The following EXOC4 variants were observed in gnomAD, a reference collection of about 807,000 sequenced individuals.
EXOC4 encodes SEC8-like 1.
In EXOC4, 71 loss-of-function variants were observed where a neutral mutation model predicts 107.2. The ratio of observed to expected loss-of-function variants is 0.66; its 90% confidence interval spans 0.55 to 0.81. The LOEUF (loss-of-function observed/expected upper bound fraction) is 0.81. EXOC4 is among the 30% of genes least tolerant of loss of function. The probability of loss-of-function intolerance (pLI) is 0.00; values close to 1 mark genes in which losing one functional copy is unlikely to be tolerated. For synonymous variants in EXOC4, 456 were observed against 441.2 expected (o/e 1.03, Z -0.42); for missense variants, 1,108 against 1,189.6 (o/e 0.93, Z 1.01).
intron 11 of EXOC4, among the ~76,000 whole-genome samples, chr7:133,853,345 AACACACACACACAC>A (rs59000979): frequency 0.02 from 2,253 of 115,530 alleles, 79 homozygotes; most frequent in African/African-American, 0.063. Context: ...CTCTCTCTTT[AACACACACACACAC>A]ACACACACAC....
chr7:133,273,535 C>T (rs1584767613), intron 1 of EXOC4, among the ~76,000 whole-genome samples: 1 of 152,158 alleles, frequency 6.6e-6, no homozygotes, highest in Non-Finnish European at 1.5e-5. Context: ...CTGCCATCCC[C>T]CTACCCGTAT....
the EXOC4 span, among the ~76,000 whole-genome samples, chr7:134,099,578 G>A: frequency 7.4e-6 from 1 of 135,912 alleles, no homozygotes; most frequent in Non-Finnish European, 1.5e-5. Context: ...CACCCAGGCT[G>A]GAGTGCAGTG....
intron 11 of EXOC4, among the ~76,000 whole-genome samples, chr7:133,848,308 A>G (rs1263547839): frequency 6.6e-6 from 1 of 152,192 alleles, no homozygotes; most frequent in Non-Finnish European, 1.5e-5. Context: ...TTTTTATATC[A>G]ACTCCGGCAG....
chr7:133,464,252 A>G (rs371269233), intron 7 of EXOC4, among the ~76,000 whole-genome samples: 194 of 152,294 alleles, frequency 1.3e-3, no homozygotes, highest in African/African-American at 4.5e-3. Context: ...TGCTTCTATG[A>G]AGTAGTTCTA....
chr7:133,480,481 T>C, intron 9 of EXOC4: 1 of 1,096,546 alleles, frequency 9.1e-7, no homozygotes, highest in Non-Finnish European at 1.1e-6. Context: ...TTGTTGTTTT[T>C]GACACCTTCT....
intron 9 of EXOC4, among the ~76,000 whole-genome samples, chr7:133,481,992 A>G (rs978044073): frequency 1.3e-5 from 2 of 152,176 alleles, no homozygotes; most frequent in Admixed American, 6.5e-5. Context: ...CAGGCTATCT[A>G]AGGCTAGTGT....
Position 133,999,925 on chromosome 7 carries a change from A to G in EXOC4, c.2348+2292A>G, listed in dbSNP as rs1278579284. Reference sequence around the variant, plus strand: ...GTCATTAATTTACAAGAAACTATACAGTGCTATAGCACTGGTTGCCATATC... The same window carrying G: ...GTCATTAATTTACAAGAAACTATACGGTGCTATAGCACTGGTTGCCATATC... On this transcript the variant is annotated intron_variant, in intron 15 of 17. Coordinates refer to ENST00000253861, the MANE Select transcript of EXOC4 (RefSeq NM_021807.4). Among the ~76,000 whole-genome samples, 6 of 152,218 alleles carry G rather than the reference A, an allele frequency of 3.9e-5. No homozygotes were observed. In the East Asian group the frequency reaches 1.2e-3, roughly 29 times the overall value.
At chr7:133,591,242 T>A (rs1440838791) in intron 9 of EXOC4, among the ~76,000 whole-genome samples, 1 of 152,184 alleles carries the variant, frequency 6.6e-6, no homozygotes, top group Non-Finnish European at 1.5e-5. Context: ...ATTTTCCCCA[T>A]GCTGGCCTCA....
At chr7:133,543,351 C>G (rs914115391) in intron 9 of EXOC4, among the ~76,000 whole-genome samples, 1 of 152,050 alleles carries the variant, frequency 6.6e-6, no homozygotes. Context: ...CACCCAAGCT[C>G]TTATCAGTTG....
chr7:133,949,808 T>G (rs1329037872), intron 14 of EXOC4, among the ~76,000 whole-genome samples: 1 of 152,178 alleles, frequency 6.6e-6, no homozygotes, highest in Non-Finnish European at 1.5e-5. Context: ...CAGAATTGGA[T>G]TTTATATTTC....
In EXOC4 at chr7:133,712,083, G is replaced by A. The variant is rs114229357; in HGVS notation, c.1514+81942G>A. On this transcript the variant is annotated intron_variant, in intron 10 of 17. Coordinates refer to ENST00000253861, the MANE Select transcript of EXOC4 (RefSeq NM_021807.4). Reference sequence around the variant, plus strand: ...GTACCACAGTAAGGTGTTACTTCAAGCCCACTAGGATGGCTGTAACATAAG... The same window carrying A: ...GTACCACAGTAAGGTGTTACTTCAAACCCACTAGGATGGCTGTAACATAAG... Among the ~76,000 whole-genome samples, 896 of 152,198 alleles carry A rather than the reference G, an allele frequency of 5.9e-3. 3 individuals are homozygous for A. The highest frequency in any genetic ancestry group is 0.017 in the African/African-American group (719 of 41,522).
intron 10 of EXOC4, among the ~76,000 whole-genome samples, chr7:133,781,200 T>G (rs530248308): frequency 1.3e-5 from 2 of 152,230 alleles, no homozygotes; most frequent in Non-Finnish European, 2.9e-5. Context: ...TCAAAACCAT[T>G]TGTGAAGAAG....
At chr7:133,305,475 A>G (rs1180668282) in intron 3 of EXOC4, among the ~76,000 whole-genome samples, 2 of 152,238 alleles carry the variant, frequency 1.3e-5, no homozygotes, top group South Asian at 2.1e-4. Context: ...AAACATTTAT[A>G]TAGTGTGCTT....
At chr7:133,639,899 A>G (rs1302509382) in intron 10 of EXOC4, among the ~76,000 whole-genome samples, 2 of 152,152 alleles carry the variant, frequency 1.3e-5, no homozygotes, top group Non-Finnish European at 2.9e-5. Flanking sequence ...GAAGAAAAAA[A>G]AACTAACACT....
chr7:133,613,371 C>T (rs895475289), intron 9 of EXOC4, among the ~76,000 whole-genome samples: 6 of 152,136 alleles, frequency 3.9e-5, no homozygotes, highest in African/African-American at 1.2e-4. Flanking sequence ...TGAGCTCAAG[C>T]GTTGCGAGTG....
At chr7:133,479,317 G>C (rs1799097839) in intron 8 of EXOC4, 1 of 151,844 alleles carries the variant, frequency 6.6e-6, no homozygotes. Flanking sequence ...TATTATTTTA[G>C]GTTTTAGAAA....
chr7:134,013,274 G>A (rs897387073), intron 17 of EXOC4, among the ~76,000 whole-genome samples: 5 of 152,098 alleles, frequency 3.3e-5, no homozygotes, highest in South Asian at 2.1e-4. Context: ...AAAATGGCAC[G>A]TTACCAAAAC....
At chr7:133,266,825 T>G (rs2096354011) in intron 1 of EXOC4, among the ~76,000 whole-genome samples, 1 of 152,242 alleles carries the variant, frequency 6.6e-6, no homozygotes, top group Admixed American at 6.5e-5. Context: ...CCATGTTTTT[T>G]AAGTGAAAGA....
intron 17 of EXOC4, among the ~76,000 whole-genome samples, chr7:134,012,117 T>C (rs1279682525): frequency 6.6e-6 from 1 of 152,174 alleles, no homozygotes; most frequent in Non-Finnish European, 1.5e-5. Flanking sequence ...ATCTGGAAAG[T>C]CATTGTAATG....
Sources: gnomAD v4.1 joint callset for allele counts (sites outside exome capture counted in the v4.1 genomes callset) on GRCh38, gnomAD v4.1.1 for gene constraint, MANE v1.5 for transcripts, NCBI Gene and HGNC (gene_info 2026-07-23, HGNC 2026-07-21) for gene names.